MGLL: variants seen among roughly 807,000 people sequenced by gnomAD.
MGLL encodes monoglyceride lipase, also known as lysophospholipase homolog.
Under a neutral mutation model 29.1 loss-of-function variants are expected in MGLL, and 7 were observed. The observed-to-expected ratio is 0.24, with a 90% CI of 0.14 to 0.45. The LOEUF (loss-of-function observed/expected upper bound fraction) is 0.45, where lower values mean the gene tolerates loss of function less well. Ranked by LOEUF, MGLL falls within the 20% of genes least tolerant of loss-of-function variation. The pLI is 0.99. For missense variants in MGLL, 356 were observed against 413.6 expected (o/e 0.86, Z 1.21); for synonymous variants, 148 against 168.3 (o/e 0.88, Z 0.93).
intron 3 of MGLL, chr3:127,735,578 A>C: frequency 5.9e-6 from 6 of 1,016,836 alleles, no homozygotes; most frequent in Non-Finnish European, 8.6e-6. Flanking sequence ...ACTCATACTT[A>C]TGTGATAAAC....
At position 127,689,104 on chromosome 3, in the gene MGLL, T is replaced by C. The variant is rs1191138289; in HGVS notation, c.*3094A>G. 2 of 152,254 alleles carry C rather than the reference T, an allele frequency of 1.3e-5. No individual in the cohort carries two copies. Among genetic ancestry groups the C allele is most frequent in the South Asian group, 2.1e-4 (1 of 4,838 alleles). 9.4% of individuals were successfully genotyped at this position (152,254 alleles called of 1,614,324 possible). ...GGATTTATTAGGATTAGCTGTAGTGTACACTGATTCCTTTAGCTCTAAATG... is the reference window on the plus strand; with the variant it reads ...GGATTTATTAGGATTAGCTGTAGTGCACACTGATTCCTTTAGCTCTAAATG... On this transcript the variant is annotated 3_prime_UTR_variant, in exon 8 of 8. Transcript: ENST00000265052.
intron 2 of MGLL, among the ~76,000 whole-genome samples, chr3:127,793,297 C>T (rs1026970176): frequency 6.6e-6 from 1 of 152,164 alleles, no homozygotes; most frequent in Non-Finnish European, 1.5e-5. Context: ...GGCAGAATTG[C>T]TAAAACTGCA....
rs115648892 is a variant in MGLL at position 127,701,729 on chromosome 3, C to T, written c.601-6539G>A. 2.6e-3 allele frequency among the ~76,000 whole-genome samples: 393 copies of T among 152,284 alleles called. 2 individuals are homozygous for T. Among genetic ancestry groups the T allele is most frequent in the African/African-American group, 8.7e-3 (361 of 41,532 alleles). On this transcript the variant is annotated intron_variant, in intron 6 of 7. Coordinates refer to ENST00000265052, the MANE Select transcript of MGLL (RefSeq NM_007283.7). ...TGCCCTTCCTGCAGGCAGCCTTCCC[C>T]GGTCCCGTGTGTGTCATCCCCAGAC...
intron 6 of MGLL, among the ~76,000 whole-genome samples, chr3:127,699,130 C>T (rs782436): frequency 1.3e-5 from 2 of 152,102 alleles, no homozygotes; most frequent in African/African-American, 4.8e-5. Context: ...GACCCCAAAG[C>T]CTCCTCTTGG....
chr3:127,750,425 G>T (rs930234187), intron 3 of MGLL, among the ~76,000 whole-genome samples: 2 of 152,146 alleles, frequency 1.3e-5, no homozygotes, highest in Admixed American at 1.3e-4. Flanking sequence ...TTCAAAGGCT[G>T]CACTCTCATT....
chr3:127,735,662 C>G (rs764242491), intron 3 of MGLL: 2 of 1,570,094 alleles, frequency 1.3e-6, no homozygotes, highest in Non-Finnish European at 1.7e-6. Flanking sequence ...CTCCTGTCTA[C>G]TCATCAAGTT....
At chr3:127,724,454 A>AT (rs2075994392) in intron 3 of MGLL, among the ~76,000 whole-genome samples, 1 of 152,114 alleles carries the variant, frequency 6.6e-6, no homozygotes, top group South Asian at 2.1e-4. Flanking sequence ...GTGTTTATCC[A>AT]TTTGTCTGTC....
chr3:127,795,113 T>C (rs1398043136), intron 2 of MGLL, among the ~76,000 whole-genome samples: 1 of 152,180 alleles, frequency 6.6e-6, no homozygotes, highest in Non-Finnish European at 1.5e-5. Context: ...AGCAAAGACA[T>C]GGAATCAACC....
intron 2 of MGLL, among the ~76,000 whole-genome samples, chr3:127,801,731 GA>G (rs1344523723): frequency 6.7e-5 from 10 of 149,728 alleles, no homozygotes; most frequent in South Asian, 4.2e-4. Flanking sequence ...AAAAAAGAAA[GA>G]AAAAATATAT....
intron 3 of MGLL, among the ~76,000 whole-genome samples, chr3:127,747,056 C>T (rs1166071884): frequency 2.0e-5 from 3 of 152,172 alleles, no homozygotes; most frequent in African/African-American, 7.2e-5. Flanking sequence ...TTTGTGTGTC[C>T]CTGTCTCTGT....
At chr3:127,705,073 G>C (rs1423265392) in intron 6 of MGLL, among the ~76,000 whole-genome samples, 1 of 152,188 alleles carries the variant, frequency 6.6e-6, no homozygotes, top group East Asian at 1.9e-4. Context: ...CCTTTGCAGG[G>C]ACGTGGGTGA....
At position 127,695,169 on chromosome 3, in the gene MGLL, G is replaced by A. The variant is rs1363301270; in HGVS notation, c.622C>T (p.Pro208Ser). The A allele has an allele frequency of 6.2e-7, 1 of 1,614,086 alleles. No homozygotes were observed. The highest frequency in any genetic ancestry group is 1.1e-5 in the South Asian group (1 of 91,082). Residue 208 changes from proline (P) to serine (S), a missense_variant, in exon 7 of 8, where the codon CCC (proline) becomes TCC (serine). Coordinates refer to ENST00000265052, the MANE Select transcript of MGLL (RefSeq NM_007283.7). ...TTCAGCCCTGCCCGGCAGATCAGGG[G>A]GTCTGAGTTATAAATGTCGACCTGG... ...KTEVDIYNSD[P>S]LICRAGLKVC...
intron 2 of MGLL, among the ~76,000 whole-genome samples, chr3:127,809,212 C>T (rs1450017709): frequency 6.6e-6 from 1 of 152,166 alleles, no homozygotes; most frequent in Non-Finnish European, 1.5e-5. Context: ...TACCTTTTAT[C>T]ATGGAGCTAA....
chr3:127,742,707 C>T (rs932850101), intron 3 of MGLL, among the ~76,000 whole-genome samples: 1 of 151,794 alleles, frequency 6.6e-6, no homozygotes, highest in African/African-American at 2.4e-5. Context: ...TTTTCTCTAC[C>T]TTTGGTGGGG....
intron 6 of MGLL, among the ~76,000 whole-genome samples, chr3:127,703,179 CT>C (rs1245694727): frequency 6.6e-6 from 1 of 152,186 alleles, no homozygotes; most frequent in Non-Finnish European, 1.5e-5. Flanking sequence ...TCTTTCTGTC[CT>C]TTGGAATGGA....
chr3:127,744,673 C>T (rs558964497), intron 3 of MGLL, among the ~76,000 whole-genome samples: 1 of 152,318 alleles, frequency 6.6e-6, no homozygotes, highest in South Asian at 2.1e-4. Flanking sequence ...AACAAAATAA[C>T]AGGATGCTCT....
intron 6 of MGLL, among the ~76,000 whole-genome samples, chr3:127,707,745 T>A (rs909178356): frequency 6.6e-6 from 1 of 152,232 alleles, no homozygotes; most frequent in Non-Finnish European, 1.5e-5. Flanking sequence ...TTGGGTAGTG[T>A]TGAGACAATA....
chr3:127,772,660 T>C (rs2076969287), intron 3 of MGLL, among the ~76,000 whole-genome samples: 1 of 152,140 alleles, frequency 6.6e-6, no homozygotes, highest in Admixed American at 6.5e-5. Flanking sequence ...GCAGGGGGGC[T>C]GTGTATGCAT....
At position 127,689,719 on chromosome 3, in the gene MGLL, G is replaced by A. The variant is rs895069916; in HGVS notation, c.*2479C>T. ...ATGTCAGCACGGAGCCGTCAGTATCGAGAAGGAACTCAACGCAAGGCTTCA... is the reference window on the plus strand; with the variant it reads ...ATGTCAGCACGGAGCCGTCAGTATCAAGAAGGAACTCAACGCAAGGCTTCA... On this transcript the variant is annotated 3_prime_UTR_variant, in exon 8 of 8. Transcript: ENST00000265052. The A allele has an allele frequency of 2.0e-5, 3 of 152,346 alleles. No individual in the cohort carries two copies. The highest frequency in any genetic ancestry group is 7.2e-5 in the African/African-American group (3 of 41,562). 9.4% of individuals were successfully genotyped at this position (152,346 alleles called of 1,614,324 possible).
Sources: allele counts gnomAD v4.1 joint callset (sites outside exome capture counted in the v4.1 genomes callset), GRCh38; gene constraint gnomAD v4.1.1; transcripts MANE v1.5; gene names NCBI Gene and HGNC (gene_info 2026-07-23, HGNC 2026-07-21).